Variants in FCER2 observed in about 807,000 individuals in gnomAD.
The protein encoded by FCER2 is Fc epsilon receptor II.
FCER2 carries 38 observed loss-of-function variants against 49.7 expected under a neutral mutation model. The observed-to-expected ratio is 0.76, with a 90% CI of 0.59 to 1.00. The LOEUF (loss-of-function observed/expected upper bound fraction) is 1.00. Among genes scored for constraint, FCER2 ranks in the 50% least tolerant of loss-of-function variants. FCER2 has a pLI of 0.00. For missense variants in FCER2, 425 were observed against 419.5 expected (o/e 1.01, Z -0.11); for synonymous variants, 163 against 164.6 (o/e 0.99, Z 0.07).
In FCER2 at chr19:7,698,356, C is replaced by A. The variant is rs745635553; in HGVS notation, c.190G>T (p.Val64Phe). 4 of 1,609,366 alleles carry A rather than the reference C, an allele frequency of 2.5e-6. No homozygotes were observed. The highest frequency in any genetic ancestry group is 1.7e-5 in the Admixed American group (1 of 59,674). The change falls in exon 4 of 11, where the codon GTC (valine) becomes TTC (phenylalanine). Residue 64 changes from valine to phenylalanine, a missense_variant and splice_region_variant. Coordinates refer to ENST00000597921, the MANE Select transcript of FCER2 (RefSeq NM_001220500.2). ...CCCCTCCACCTTGACCCCTTCATAC[C>A]GTTCCGGGCAGCCCTCTCTTCCAGC... is the stretch of plus-strand genomic sequence containing the variant. ...KQLEERAARN[V>F]SQVSKNLESH...
At position 7,690,541 on chromosome 19, in the gene FCER2, C is replaced by G. The variant is rs61736324; in HGVS notation, c.486G>C (p.Thr162=). The G allele has an allele frequency of 1.9e-6, 3 of 1,613,980 alleles. No homozygotes were observed. Among genetic ancestry groups the G allele is most frequent in the Non-Finnish European group, 2.5e-6 (3 of 1,179,936 alleles). Residue 162 remains threonine, a synonymous_variant, in exon 9 of 11, where the codon ACG becomes ACC. Transcript: ENST00000597921. ...GGAAATTGATCCACTTTTCAGGGCA[C>G]GTGTTGCACACAAAGCCTGGGGTGG... ...LQVSSGFVCN[T]CPEKWINFQR...
Position 7,697,220 on chromosome 19 carries a change from G to A in FCER2, c.316+16C>T, listed in dbSNP as rs776374918. The A allele has an allele frequency of 7.4e-6, 12 of 1,613,410 alleles. No individual in the cohort carries two copies. In the East Asian group the frequency reaches 1.3e-4, roughly 18 times the overall value. ...CCACCCAATCTGGCTTCATAACCCC[G>A]ATCCCAGTCTCTCACCCTGAGATTT... On this transcript the variant is annotated intron_variant, in intron 6 of 10. Coordinates refer to ENST00000597921, the MANE Select transcript of FCER2 (RefSeq NM_001220500.2).
chr19:7,695,079 T>C (rs1341921483), intron 8 of FCER2, among the ~76,000 whole-genome samples: 2 of 152,128 alleles, frequency 1.3e-5, no homozygotes, highest in Non-Finnish European at 2.9e-5. Flanking sequence ...CAAGTGATCC[T>C]CCTGCCTCGG....
chr19:7,701,137 A>G (rs895427040), intron 1 of FCER2, among the ~76,000 whole-genome samples: 4 of 152,160 alleles, frequency 2.6e-5, no homozygotes, highest in Non-Finnish European at 4.4e-5. Flanking sequence ...AGCATCTACT[A>G]TGTGCTGAGG....
At chr19:7,699,089 CCA>C (rs2033095616) in intron 2 of FCER2, among the ~76,000 whole-genome samples, 1 of 151,910 alleles carries the variant, frequency 6.6e-6, no homozygotes, top group Non-Finnish European at 1.5e-5. Context: ...TCCCTCAGCC[CCA>C]ACAACCAATG....
intron 4 of FCER2, among the ~76,000 whole-genome samples, chr19:7,698,068 A>G (rs2033063203): frequency 6.6e-6 from 1 of 152,334 alleles, no homozygotes; most frequent in South Asian, 2.1e-4. Flanking sequence ...GGGCAGTGGT[A>G]GGGAGCCAAA....
chr19:7,697,425 G>A, intron 5 of FCER2, 102 bp downstream of exon 5: 1 of 1,460,614 alleles, frequency 6.8e-7, no homozygotes, highest in Non-Finnish European at 9.6e-7. Flanking sequence ...GTTCCCGGGT[G>A]TCGGGGGTGG....
intron 2 of FCER2, 109 bp from the exon 3 acceptor site, chr19:7,698,963 C>T (rs2033092623): frequency 1.7e-6 from 2 of 1,207,810 alleles, no homozygotes; most frequent in Non-Finnish European, 2.3e-6. Context: ...TTGTCCAGAG[C>T]CCACACTGAA....
At chr19:7,689,468 G>T in intron 10 of FCER2, 38 bp from the exon 11 acceptor site, 3 of 1,359,752 alleles carry the variant, frequency 2.2e-6, no homozygotes, top group South Asian at 2.5e-5. Context: ...ATGGGGCGGG[G>T]AGAAGGAGCC....
In FCER2 at chr19:7,696,806, CAG is replaced by C; in HGVS notation, c.469+17_469+18del. 1 of 1,554,604 alleles carries C rather than the reference CAG, an allele frequency of 6.4e-7. No homozygotes were observed. The highest frequency in any genetic ancestry group is 8.7e-7 in the Non-Finnish European group (1 of 1,145,440). On this transcript the variant is annotated intron_variant, in intron 8 of 10. Coordinates refer to ENST00000597921, the MANE Select transcript of FCER2 (RefSeq NM_001220500.2). ...AGGTGAGGTCACGCGTCGTCCTGAG[CAG>C]AGACTCACACACTCACCGCTGGACA...
intron 8 of FCER2, among the ~76,000 whole-genome samples, chr19:7,693,604 G>A (rs2032939145): frequency 6.6e-6 from 1 of 151,996 alleles, no homozygotes; most frequent in Non-Finnish European, 1.5e-5. Flanking sequence ...TTCCTATAGT[G>A]ATATGCAGGG....
intron 1 of FCER2, among the ~76,000 whole-genome samples, chr19:7,701,610 C>A (rs1039800024): frequency 5.9e-5 from 9 of 151,996 alleles, no homozygotes; most frequent in African/African-American, 2.2e-4. Flanking sequence ...GCTGGGAGCC[C>A]ATTTGCTCAA....
chr19:7,689,148 T>C lies in FCER2; in HGVS notation c.*45A>G. On this transcript the variant is annotated 3_prime_UTR_variant, in exon 11 of 11. Coordinates refer to ENST00000597921, the MANE Select transcript of FCER2 (RefSeq NM_001220500.2). ...CCACAAAGAGGCTTTTAGGCCGTGG[T>C]TGGGGGTCTTCAGGGTCTTGCTCTG... The C allele has an allele frequency of 7.4e-7, 1 of 1,350,030 alleles. No homozygotes were observed. The highest frequency in any genetic ancestry group is 1.1e-6 in the Non-Finnish European group (1 of 947,080). 83.6% of individuals were successfully genotyped at this position (1,350,030 alleles called of 1,614,324 possible).
intron 8 of FCER2, among the ~76,000 whole-genome samples, chr19:7,696,040 T>C (rs2033003313): frequency 1.3e-5 from 2 of 151,560 alleles, no homozygotes; most frequent in Non-Finnish European, 2.9e-5. Flanking sequence ...TTCAAGTGAT[T>C]CTTGTGCCTC....
intron 1 of FCER2, 97 bp from the exon 2 acceptor site, chr19:7,699,942 G>A (rs765852287): frequency 4.6e-6 from 3 of 648,252 alleles, no homozygotes; most frequent in Non-Finnish European, 8.3e-6. Context: ...GGGGCCATTT[G>A]CTGATTTTGT....
At chr19:7,689,468 GAGA>G (rs913968252) in intron 10 of FCER2, 38 bp from the exon 11 acceptor site, 13 of 1,359,634 alleles carry the variant, frequency 9.6e-6, no homozygotes, top group East Asian at 2.4e-5. Flanking sequence ...ATGGGGCGGG[GAGA>G]AGGAGCCCAG....
intron 8 of FCER2, among the ~76,000 whole-genome samples, chr19:7,691,968 ACATTCACATTCACGTCCATC>A: frequency 6.6e-6 from 1 of 151,696 alleles, no homozygotes; most frequent in Non-Finnish European, 1.5e-5. Context: ...CCATTGTCAC[ACATTCACATTCACGTCCATC>A]AACACATCAA....
In FCER2 at chr19:7,699,926, C is replaced by G. The variant is rs111846644; in HGVS notation, c.-85-81G>C. The stretch of plus-strand genomic sequence containing the variant: ...CAGGATAGCATCTGGGACTTGGTGG[C>G]ACTCAGGGGCCATTTGCTGATTTTG... On this transcript the variant is annotated intron_variant, in intron 1 of 10. Transcript: ENST00000597921. 6.8e-3 allele frequency: 4,570 copies of G among 671,598 alleles called. 169 individuals carry two copies. In the African/African-American group the frequency reaches 0.07, roughly 10 times the overall value. The allele number at this position is 671,598 out of a possible 1,614,324, so 41.6% of individuals were successfully genotyped here.
At chr19:7,691,067 T>C (rs1313149333) in intron 8 of FCER2, among the ~76,000 whole-genome samples, 1 of 151,226 alleles carries the variant, frequency 6.6e-6, no homozygotes, top group Admixed American at 6.6e-5. Flanking sequence ...CACAGACACC[T>C]CACAGCTAGA....
Sources: gnomAD v4.1 joint callset for allele counts (sites outside exome capture counted in the v4.1 genomes callset) on GRCh38, gnomAD v4.1.1 for gene constraint, MANE v1.5 for transcripts, NCBI Gene and HGNC (gene_info 2026-07-23, HGNC 2026-07-21) for gene names.